C1RL: variants seen among roughly 807,000 people sequenced by gnomAD.
The protein encoded by C1RL is complement C1r subcomponent-like protein.
C1RL carries 27 observed loss-of-function variants against 27.9 expected under a neutral mutation model. The ratio of observed to expected loss-of-function variants is 0.97; its 90% CI spans 0.71 to 1.33. C1RL has a LOEUF of 1.33. Ranked by LOEUF, C1RL falls within the 40% of genes most tolerant of loss-of-function variation. The probability of loss-of-function intolerance (pLI) is 0.00; values close to 1 mark genes in which losing one functional copy is unlikely to be tolerated. For missense variants in C1RL, 563 were observed against 623.9 expected, an observed-to-expected ratio of 0.90 and a Z score of 1.04; for synonymous variants, 248 against 252.1, an observed-to-expected ratio of 0.98 and a Z score of 0.15.
In C1RL at chr12:7,097,056, G is replaced by A. The variant is rs1456581299; in HGVS notation, c.799C>T (p.Arg267Cys). 4 of 1,614,132 alleles carry A rather than the reference G, an allele frequency of 2.5e-6. No individual in the cohort carries two copies. Among genetic ancestry groups the A allele is most frequent in the Admixed American group, 1.7e-5 (1 of 60,014 alleles). Residue 267 changes from arginine (R) to cysteine (C), a missense_variant, in exon 6 of 6, where the codon CGT becomes TGT. Physicochemically the swap from Arg to Cys is radical, Grantham distance 180. Coordinates refer to ENST00000266542, the MANE Select transcript of C1RL (RefSeq NM_016546.4). The part of the protein sequence containing the change: ...PWQAFTSIHG[R>C]GGGALLGDRW... ...TCCCCCAGCAGGGCCCCGCCCCCAC[G>A]GCCGTGGATACTGGTGAAGGCTTGC...
chr12:7,096,115 T>G lies in C1RL; in HGVS notation c.*276A>C. 8.3e-7 allele frequency: 1 copy of G among 1,206,786 alleles called. No homozygotes were observed. The highest frequency in any genetic ancestry group is 1.0e-6 in the Non-Finnish European group (1 of 969,790). The allele number at this position is 1,206,786 out of a possible 1,614,324, so 74.8% of individuals were successfully genotyped here. ...ACATTCAAGGCGAAAGTTGTTGAGATGTACAGGCTTCCCGGGGCCTAGTGC... is the reference window on the plus strand; with the variant it reads ...ACATTCAAGGCGAAAGTTGTTGAGAGGTACAGGCTTCCCGGGGCCTAGTGC... On this transcript the variant is annotated 3_prime_UTR_variant, in exon 6 of 6. Coordinates refer to ENST00000266542, the MANE Select transcript of C1RL (RefSeq NM_016546.4).
At chr12:7,100,743 C>T (rs1326489570) in intron 3 of C1RL, among the ~76,000 whole-genome samples, 1 of 151,972 alleles carries the variant, frequency 6.6e-6, no homozygotes, top group Non-Finnish European at 1.5e-5. Flanking sequence ...GAAGAGACTG[C>T]GCCACTGCAC....
At position 7,108,365 on chromosome 12, in the gene C1RL, G is replaced by T. The variant is rs773113080; in HGVS notation, c.186C>A (p.Gly62=). The change falls in exon 2 of 6, where the codon GGC becomes GGA. Residue 62 remains glycine, a synonymous_variant. Transcript: ENST00000266542. The stretch of plus-strand genomic sequence containing the variant: ...TGTCCGTGCTGCTCTCTTGGCCTTT[G>T]CCATACGGCTCTGGGTACCCGGGGG... ...LTSPGYPEPY[G]KGQESSTDIK... is the part of the protein sequence containing the mutation. 1.2e-6 allele frequency: 2 copies of T among 1,614,116 alleles called. No individual in the cohort carries two copies.
In C1RL at chr12:7,095,517, C is replaced by T. The variant is rs1230368264; in HGVS notation, c.*874G>A. 1.0e-6 allele frequency: 1 copy of T among 987,222 alleles called. No individual in the cohort carries two copies. Among genetic ancestry groups the T allele is most frequent in the Non-Finnish European group, 1.2e-6 (1 of 831,056 alleles). The allele number at this position is 987,222 out of a possible 1,614,324, so 61.2% of individuals were successfully genotyped here. On this transcript the variant is annotated 3_prime_UTR_variant, in exon 6 of 6. Transcript: ENST00000266542. The stretch of plus-strand genomic sequence containing the variant: ...GTGGGGTGTCTGCAAGAACTTCAGT[C>T]CAGTGCTGGGCTCACCTGGCTTCTG...
Position 7,106,272 on chromosome 12 carries a change from T to C in C1RL, c.300+1979A>G, listed in dbSNP as rs1424106706. The stretch of plus-strand genomic sequence containing the variant: ...TCATCAAAATTCTGGAAGAAAAAGG[T>C]TTCCAATCTAGAATGCTATACCCAG... On this transcript the variant is annotated intron_variant, in intron 2 of 5. Coordinates refer to ENST00000266542, the MANE Select transcript of C1RL (RefSeq NM_016546.4). Among the ~76,000 whole-genome samples, 7 of 151,936 alleles carry C rather than the reference T, an allele frequency of 4.6e-5. No individual in the cohort carries two copies. In the East Asian group the frequency reaches 1.2e-3, roughly 25 times the overall value.
At position 7,096,823 on chromosome 12, in the gene C1RL, C is replaced by T. The variant is rs1216755022; in HGVS notation, c.1032G>A (p.Glu344=). Residue 344 remains glutamate (E), a synonymous_variant, in exon 6 of 6, where the codon GAG becomes GAA. Coordinates refer to ENST00000266542, the MANE Select transcript of C1RL (RefSeq NM_016546.4). ...HNFSGDIALL[E]LQHSIPLGPN... ...GGCCCAGGGGGATGCTGTGCTGCAG[C>T]TCCAGGAGGGCGATGTCCCCGCTAA... 1 of 1,604,862 alleles carries T rather than the reference C, an allele frequency of 6.2e-7. No individual in the cohort carries two copies. Among genetic ancestry groups the T allele is most frequent in the Non-Finnish European group, 8.5e-7 (1 of 1,174,830 alleles).
chr12:7,108,681 G>C, intron 1 of C1RL: 1 of 572,188 alleles, frequency 1.7e-6, no homozygotes, highest in Non-Finnish European at 3.1e-6. Flanking sequence ...AGCCTCCCGC[G>C]CAGCCTGAGC....
At position 7,095,727 on chromosome 12, in the gene C1RL, C is replaced by T; in HGVS notation, c.*664G>A. 2 of 895,238 alleles carry T rather than the reference C, an allele frequency of 2.2e-6. No homozygotes were observed. Among genetic ancestry groups the T allele is most frequent in the Non-Finnish European group, 1.3e-6 (1 of 747,852 alleles). The allele number at this position is 895,238 out of a possible 1,614,324, so 55.5% of individuals were successfully genotyped here. On this transcript the variant is annotated 3_prime_UTR_variant, in exon 6 of 6. Coordinates refer to ENST00000266542, the MANE Select transcript of C1RL (RefSeq NM_016546.4). ...GAAGAGCACAGTCTCTGCAGTCACA[C>T]ACCAGCTGTGGGACTTGGGCAAGTC...
chr12:7,106,376 A>G (rs1591600847), intron 2 of C1RL, among the ~76,000 whole-genome samples: 1 of 152,186 alleles, frequency 6.6e-6, no homozygotes, highest in Admixed American at 6.5e-5. Context: ...ACTCTAAAAT[A>G]CCCTTTCTAA....
chr12:7,105,652 C>T (rs377180084), intron 2 of C1RL, among the ~76,000 whole-genome samples: 18 of 151,914 alleles, frequency 1.2e-4, no homozygotes, highest in Non-Finnish European at 1.5e-4. Flanking sequence ...AACAGACAAA[C>T]GGTAAAAAAG....
intron 2 of C1RL, among the ~76,000 whole-genome samples, chr12:7,105,670 A>G (rs767643199): frequency 1.3e-5 from 2 of 152,254 alleles, no homozygotes; most frequent in Non-Finnish European, 2.9e-5. Flanking sequence ...AAGAACTTGG[A>G]TGAAATAGAC....
At chr12:7,102,876 G>C (rs1286788055) in intron 2 of C1RL, among the ~76,000 whole-genome samples, 1 of 152,138 alleles carries the variant, frequency 6.6e-6, no homozygotes, top group Non-Finnish European at 1.5e-5. Flanking sequence ...AAGGGGCCAT[G>C]CTTCCTGCTT....
At chr12:7,108,222 T>C in intron 2 of C1RL, 29 bp downstream of exon 2, 1 of 1,556,056 alleles carries the variant, frequency 6.4e-7, no homozygotes. Flanking sequence ...GCCACAGTCC[T>C]GGCGGGACCC....
Position 7,104,589 on chromosome 12 carries a change from G to A in C1RL, c.301-2502C>T, listed in dbSNP as rs1466057570. Among the ~76,000 whole-genome samples, 2 of 152,226 alleles carry A rather than the reference G, an allele frequency of 1.3e-5. No homozygotes were observed. The highest frequency in any genetic ancestry group is 2.9e-5 in the Non-Finnish European group (2 of 68,046). On this transcript the variant is annotated intron_variant, in intron 2 of 5. Coordinates refer to ENST00000266542, the MANE Select transcript of C1RL (RefSeq NM_016546.4). The surrounding 1 kb of genome is among the most constrained non-coding windows in gnomAD (Gnocchi z 5.4). The stretch of plus-strand genomic sequence containing the variant: ...GTCTCCACGGTCCCAGTGTGAGTGA[G>A]TATGAGTGTGTGAGTGCGTCCTGAA...
rs1245995665 is a variant in C1RL, at chr12:7,102,790, C to G, written c.301-703G>C. Among the ~76,000 whole-genome samples the G allele has an allele frequency of 3.9e-5, 6 of 152,202 alleles. No individual in the cohort carries two copies. The East Asian group carries it at 1.2e-3, about 29-fold the overall frequency. On this transcript the variant is annotated intron_variant, in intron 2 of 5. Transcript: ENST00000266542. The stretch of plus-strand genomic sequence containing the variant: ...TGGATGGTGTTGCTTCATCGGGCAG[C>G]TTGTCTCTGTTTCAATGCCCTTTTG...
In C1RL at chr12:7,104,881, T is replaced by C. The variant is rs575156478; in HGVS notation, c.301-2794A>G. On this transcript the variant is annotated intron_variant, in intron 2 of 5. Coordinates refer to ENST00000266542, the MANE Select transcript of C1RL (RefSeq NM_016546.4). This position sits in a 1 kb window ranked among gnomAD's most constrained non-coding sequence, Gnocchi z 5.4. Reference sequence around the variant, plus strand: ...CACTCTTGTCTATATCAATTAGCTCTATGGCCAAATTGGTTTCATTCTATG... The same window carrying C: ...CACTCTTGTCTATATCAATTAGCTCCATGGCCAAATTGGTTTCATTCTATG... Among the ~76,000 whole-genome samples the C allele has an allele frequency of 5.6e-4, 85 of 152,370 alleles. No homozygotes were observed. The highest frequency in any genetic ancestry group is 9.1e-4 in the Non-Finnish European group (62 of 68,038).
At chr12:7,099,053 A>T (rs147712984) in intron 5 of C1RL, among the ~76,000 whole-genome samples, 20,229 of 147,014 alleles carry the variant, frequency 0.14, 1,868 homozygotes, top group African/African-American at 0.25. Context: ...AAAAAAAAAA[A>T]AAAATAAAAT....
intron 1 of C1RL, chr12:7,108,793 C>G (rs776366859): frequency 1.8e-6 from 1 of 552,058 alleles, no homozygotes; most frequent in African/African-American, 1.9e-5. Flanking sequence ...TCAGCAGATC[C>G]CACCCCACCC....
Position 7,097,160 on chromosome 12 carries a change from C to A in C1RL, c.695G>T (p.Cys232Phe). 1 of 1,600,996 alleles carries A rather than the reference C, an allele frequency of 6.2e-7. No individual in the cohort carries two copies. The highest frequency in any genetic ancestry group is 8.5e-7 in the Non-Finnish European group (1 of 1,172,760). The change falls in exon 6 of 6, where the codon TGC becomes TTC. Residue 232 changes from cysteine to phenylalanine, a missense_variant. Transcript: ENST00000266542. The part of the protein sequence containing the change: ...GEEVLQCMPV[C>F]GRPVTPIAQN... Reference sequence around the variant, plus strand: ...GGCAATGGGGGTGACTGGCCGTCCGCAGACTGGGAGAGAGGCGGGGTAGGG... The same window carrying A: ...GGCAATGGGGGTGACTGGCCGTCCGAAGACTGGGAGAGAGGCGGGGTAGGG...
Sources: gnomAD v4.1 joint callset for allele counts (sites outside exome capture counted in the v4.1 genomes callset) on GRCh38, gnomAD v4.1.1 for gene constraint, Gnocchi (gnomAD v3.1) non-coding constraint, MANE v1.5 for transcripts, NCBI Gene and HGNC (gene_info 2026-07-23, HGNC 2026-07-21) for gene names.